CACNB2: variants seen among roughly 807,000 people sequenced by gnomAD.
CACNB2 encodes calcium voltage-gated channel auxiliary subunit beta 2, also known as voltage-dependent L-type calcium channel subunit beta-2.
Under a neutral mutation model 73.3 loss-of-function variants are expected in CACNB2, and 42 were observed. The observed-to-expected ratio is 0.57, with a 90% CI of 0.45 to 0.74. The LOEUF (loss-of-function observed/expected upper bound fraction) is 0.74, where lower values mean the gene tolerates loss of function less well. CACNB2 is among the 30% of genes least tolerant of loss of function. The probability of loss-of-function intolerance (pLI) is 0.00; values close to 1 mark genes in which losing one functional copy is unlikely to be tolerated. For synonymous variants in CACNB2, 348 were observed against 310.3 expected (o/e 1.12, Z -1.28); for missense variants, 940 against 853.0 (o/e 1.10, Z -1.27).
At chr10:18,323,139 T>G (rs1016936714) in intron 2 of CACNB2, among the ~76,000 whole-genome samples, 4 of 151,706 alleles carry the variant, frequency 2.6e-5, no homozygotes, top group Non-Finnish European at 5.9e-5. Flanking sequence ...TTTTTTTTTT[T>G]GTAGTGATGG....
At chr10:18,327,960 A>G (rs544031315) in intron 2 of CACNB2, among the ~76,000 whole-genome samples, 71 of 152,294 alleles carry the variant, frequency 4.7e-4, no homozygotes, top group African/African-American at 1.7e-3. Flanking sequence ...TTGAAGACAT[A>G]TCAGAAGTGT....
chr10:18,459,137 T>C (rs1355420965), intron 3 of CACNB2, among the ~76,000 whole-genome samples: 2 of 152,192 alleles, frequency 1.3e-5, no homozygotes, highest in African/African-American at 4.8e-5. Context: ...GAAGATACTA[T>C]GAATTTTTAG....
chr10:18,536,764 C>CTAA (rs2053646428), intron 12 of CACNB2, among the ~76,000 whole-genome samples: 1 of 152,144 alleles, frequency 6.6e-6, no homozygotes, highest in Non-Finnish European at 1.5e-5. Context: ...TTGTTAATAT[C>CTAA]CAACACAAGA....
chr10:18,445,207 A>C (rs553654515), intron 3 of CACNB2, among the ~76,000 whole-genome samples: 1 of 152,268 alleles, frequency 6.6e-6, no homozygotes, highest in South Asian at 2.1e-4. Flanking sequence ...ATTTGAACAC[A>C]TCTGATTCCT....
At chr10:18,463,957 C>A (rs542831600) in intron 3 of CACNB2, among the ~76,000 whole-genome samples, 1 of 152,208 alleles carries the variant, frequency 6.6e-6, no homozygotes, top group South Asian at 2.1e-4. Context: ...CTCTTCATGT[C>A]CAGATATTCC....
intron 3 of CACNB2, among the ~76,000 whole-genome samples, chr10:18,455,439 AAG>A (rs1344054750): frequency 6.6e-6 from 1 of 151,826 alleles, no homozygotes; most frequent in Non-Finnish European, 1.5e-5. Context: ...TTTTCAGAGA[AAG>A]AGTGAGTAAT....
intron 2 of CACNB2, among the ~76,000 whole-genome samples, chr10:18,268,871 C>CTGAT (rs1168333240): frequency 6.6e-6 from 1 of 152,234 alleles, no homozygotes; most frequent in African/African-American, 2.4e-5. Flanking sequence ...GAGGAGTCTA[C>CTGAT]TGATTGAGAA....
At chr10:18,384,948 C>G (rs1384957671) in intron 2 of CACNB2, among the ~76,000 whole-genome samples, 1 of 151,986 alleles carries the variant, frequency 6.6e-6, no homozygotes, top group Non-Finnish European at 1.5e-5. Flanking sequence ...GGTTCTCAAC[C>G]TTGGCTGAAC....
At chr10:18,164,675 C>A (rs181533994) in intron 2 of CACNB2, among the ~76,000 whole-genome samples, 1 of 151,764 alleles carries the variant, frequency 6.6e-6, no homozygotes, top group Non-Finnish European at 1.5e-5. Context: ...GTAGATTACA[C>A]GTAGCCTGAT....
chr10:18,452,381 T>C (rs561156162), intron 3 of CACNB2, among the ~76,000 whole-genome samples: 1 of 152,322 alleles, frequency 6.6e-6, no homozygotes, highest in South Asian at 2.1e-4. Flanking sequence ...TAAGTCATGA[T>C]GGTACCACTG....
At chr10:18,141,009 G>A in intron 1 of CACNB2, 153 bp downstream of exon 1, 4 of 1,527,154 alleles carry the variant, frequency 2.6e-6, no homozygotes, top group Non-Finnish European at 3.5e-6. Context: ...CTGGCGCCGG[G>A]GACCCTGCCC....
At chr10:18,511,069 A>G (rs1331112696) in intron 6 of CACNB2, among the ~76,000 whole-genome samples, 2 of 152,206 alleles carry the variant, frequency 1.3e-5, no homozygotes, top group Non-Finnish European at 2.9e-5. Flanking sequence ...ATGGTATAAA[A>G]GTCAGCACTG....
chr10:18,496,697 C>G (rs979728392), intron 3 of CACNB2, among the ~76,000 whole-genome samples: 6 of 150,444 alleles, frequency 4.0e-5, no homozygotes, highest in Admixed American at 2.0e-4. Context: ...GCCTGTAATC[C>G]CAGCAACTCG....
chr10:18,282,733 A>T (rs2038608174), intron 2 of CACNB2, among the ~76,000 whole-genome samples: 1 of 152,058 alleles, frequency 6.6e-6, no homozygotes, highest in African/African-American at 2.4e-5. Flanking sequence ...TGCCTTGTTC[A>T]TTCACCTAGT....
intron 2 of CACNB2, among the ~76,000 whole-genome samples, chr10:18,379,123 C>T (rs2042915658): frequency 6.6e-6 from 1 of 152,124 alleles, no homozygotes; most frequent in Non-Finnish European, 1.5e-5. Flanking sequence ...TCAAATTTGG[C>T]TTTGTCTTTT....
At chr10:18,385,487 C>T (rs965972528) in intron 2 of CACNB2, among the ~76,000 whole-genome samples, 1 of 147,164 alleles carries the variant, frequency 6.8e-6, no homozygotes, top group African/African-American at 2.5e-5. Context: ...ATTAGCTGGG[C>T]GTGGTGGTGT....
intron 3 of CACNB2, among the ~76,000 whole-genome samples, chr10:18,443,138 G>C (rs1564554622): frequency 6.6e-6 from 1 of 150,834 alleles, no homozygotes. Flanking sequence ...GCATTTGACT[G>C]AGTCGTGAAG....
intron 2 of CACNB2, among the ~76,000 whole-genome samples, chr10:18,328,770 T>G (rs980901427): frequency 6.6e-6 from 1 of 152,228 alleles, no homozygotes; most frequent in Non-Finnish European, 1.5e-5. Flanking sequence ...TAAGCAAGCT[T>G]CAGGGATTCT....
chr10:18,326,210 G>A (rs765230779), intron 2 of CACNB2, among the ~76,000 whole-genome samples: 19 of 152,128 alleles, frequency 1.2e-4, no homozygotes, highest in Non-Finnish European at 2.5e-4. Flanking sequence ...GGAAAAAAAT[G>A]GACTGAATGA....
Sources: gnomAD v4.1 joint callset for allele counts (sites outside exome capture counted in the v4.1 genomes callset) on GRCh38, gnomAD v4.1.1 for gene constraint, MANE v1.5 for transcripts, NCBI Gene and HGNC (gene_info 2026-07-23, HGNC 2026-07-21) for gene names.